Variants in SV2C observed in about 807,000 individuals in gnomAD.
SV2C encodes the protein solute carrier family 22 member B3.
A neutral mutation model predicts 79.7 loss-of-function variants in SV2C; 49 were observed. That is an observed-to-expected ratio of 0.61 (90% CI 0.49 to 0.78). SV2C has a LOEUF of 0.78. Among genes scored for constraint, SV2C ranks in the 30% least tolerant of loss-of-function variants. The probability of loss-of-function intolerance (pLI) is 0.00; values close to 1 mark genes in which losing one functional copy is unlikely to be tolerated. For missense variants in SV2C, 833 were observed against 912.9 expected (o/e 0.91, Z 1.13); for synonymous variants, 334 against 333.2 (o/e 1.00, Z -0.03).
At chr5:75,913,588 T>C in the SV2C span, among the ~76,000 whole-genome samples, 6 of 152,196 alleles carry the variant, frequency 3.9e-5, no homozygotes, top group Non-Finnish European at 7.4e-5. Context: ...ATATTGTGTG[T>C]AAGATGACAA....
intron 12 of SV2C, among the ~76,000 whole-genome samples, chr5:76,302,485 C>G (rs1324077971): frequency 6.6e-6 from 1 of 151,756 alleles, no homozygotes; most frequent in Admixed American, 6.6e-5. Context: ...AAAAACCTAG[C>G]CAGGCATGGC....
intron 12 of SV2C, among the ~76,000 whole-genome samples, chr5:76,348,577 C>A (rs996459196): frequency 1.3e-5 from 2 of 152,236 alleles, no homozygotes; most frequent in African/African-American, 4.8e-5. Context: ...TGTTGCTCCA[C>A]ATCCTTGTCA....
At chr5:76,204,797 T>C (rs1371950737) in intron 3 of SV2C, among the ~76,000 whole-genome samples, 2 of 152,330 alleles carry the variant, frequency 1.3e-5, no homozygotes, top group East Asian at 3.9e-4. Flanking sequence ...ATCAGTGTGA[T>C]GAAGCACAGC....
chr5:75,869,007 G>A, the SV2C span, among the ~76,000 whole-genome samples: 2 of 152,158 alleles, frequency 1.3e-5, no homozygotes, highest in African/African-American at 4.8e-5. Flanking sequence ...GTGTCTATAG[G>A]GAGAAACTCC....
the SV2C span, among the ~76,000 whole-genome samples, chr5:76,037,530 T>G: frequency 1.3e-5 from 2 of 152,162 alleles, no homozygotes; most frequent in African/African-American, 4.8e-5. Context: ...CTGTCCCTGC[T>G]GGGGGGTGCC....
the SV2C span, among the ~76,000 whole-genome samples, chr5:76,015,305 TG>T: frequency 8.2e-6 from 1 of 122,514 alleles, no homozygotes; most frequent in South Asian, 2.3e-4. Flanking sequence ...ACATGTAGCA[TG>T]AACAAAAAAT....
At chr5:76,021,245 C>G in the SV2C span, among the ~76,000 whole-genome samples, 1 of 152,168 alleles carries the variant, frequency 6.6e-6, no homozygotes, top group African/African-American at 2.4e-5. Context: ...GTTATGTTAA[C>G]TTGTTCAGTT....
the SV2C span, among the ~76,000 whole-genome samples, chr5:75,874,558 C>G: frequency 1.3e-5 from 2 of 152,088 alleles, no homozygotes; most frequent in African/African-American, 4.8e-5. Context: ...CCAGCCAGAG[C>G]AATCAGGCAA....
Position 76,132,195 on chromosome 5 carries a change from C to T in SV2C, c.445C>T (p.Arg149Cys), listed in dbSNP as rs769027251. ...GATAATCCAAGAATGCGGTCATGGT[C>T]GTTTTCAGTGGGCCCTTTTCTTCGT... ...ELIIQECGHG[R>C]FQWALFFVLG... Residue 149 changes from arginine to cysteine, a missense_variant, in exon 2 of 13, where the codon CGT becomes TGT. Coordinates refer to ENST00000502798, the MANE Select transcript of SV2C (RefSeq NM_014979.4). 7.4e-6 allele frequency: 12 copies of T among 1,614,100 alleles called. No individual in the cohort carries two copies. In the South Asian group the frequency reaches 7.7e-5, roughly 10 times the overall value.
intron 1 of SV2C, among the ~76,000 whole-genome samples, chr5:76,111,709 GT>G (rs1748104433): frequency 6.6e-6 from 1 of 152,178 alleles, no homozygotes; most frequent in Non-Finnish European, 1.5e-5. Flanking sequence ...TACTTTCTCA[GT>G]ATTATACTGA....
chr5:76,274,054 C>A (rs1232151968), intron 4 of SV2C, among the ~76,000 whole-genome samples: 3 of 152,180 alleles, frequency 2.0e-5, no homozygotes, highest in Non-Finnish European at 4.4e-5. Context: ...ATAAGTGAGA[C>A]CTGTATTGTC....
the SV2C span, chr5:75,911,670 C>T: frequency 4.3e-6 from 3 of 696,714 alleles, no homozygotes; most frequent in Non-Finnish European, 8.2e-6. Flanking sequence ...GCACTTTTCC[C>T]ACCTTAATGA....
intron 1 of SV2C, among the ~76,000 whole-genome samples, chr5:76,115,459 G>C (rs1748233843): frequency 6.6e-6 from 1 of 152,170 alleles, no homozygotes; most frequent in South Asian, 2.1e-4. Context: ...CACCTACCAG[G>C]TACAATGAAG....
At chr5:76,179,944 A>G (rs1743667641) in intron 2 of SV2C, among the ~76,000 whole-genome samples, 1 of 76,388 alleles carries the variant, frequency 1.3e-5, no homozygotes, top group Non-Finnish European at 2.3e-5. Context: ...AAAAACAACA[A>G]CAGAAAAAAA....
the SV2C span, among the ~76,000 whole-genome samples, chr5:76,003,321 G>A: frequency 5.3e-5 from 8 of 152,050 alleles, no homozygotes; most frequent in Admixed American, 4.6e-4. Context: ...TGTGGGCTAC[G>A]TTTCAGCCAA....
intron 4 of SV2C, among the ~76,000 whole-genome samples, chr5:76,256,029 GC>G (rs766900617): frequency 2.0e-5 from 3 of 152,126 alleles, no homozygotes; most frequent in Non-Finnish European, 4.4e-5. Context: ...GAAATGCAAG[GC>G]AAAAAATGCC....
rs889485387 is a variant in SV2C at position 76,263,260 on chromosome 5, T to TTTTTTG, written c.914-21879_914-21874dup. 1.1e-3 allele frequency among the ~76,000 whole-genome samples: 173 copies of TTTTTTG among 151,432 alleles called. 2 individuals are homozygous for TTTTTTG. The South Asian group carries it at 0.017, about 15-fold the overall frequency. ...CAGGGACTAGAATTGCAACCCCTGC[T>TTTTTTG]TTTTTGTTTTTGTTTTTGTTTTTGT... On this transcript the variant is annotated intron_variant, in intron 4 of 12. Transcript: ENST00000502798.
chr5:76,250,350 G>C (rs949266894), intron 4 of SV2C, among the ~76,000 whole-genome samples: 3 of 151,988 alleles, frequency 2.0e-5, no homozygotes, highest in African/African-American at 7.3e-5. Flanking sequence ...AGGACATTAG[G>C]GCTCTCAGCA....
chr5:76,009,992 T>TA, the SV2C span, among the ~76,000 whole-genome samples: 3 of 8,480 alleles, frequency 3.5e-4, no homozygotes, highest in South Asian at 8.0e-3. Context: ...ATCTATTTTG[T>TA]TTTTTTTTTT....
Sources: allele counts gnomAD v4.1 joint callset (sites outside exome capture counted in the v4.1 genomes callset), GRCh38; gene constraint gnomAD v4.1.1; transcripts MANE v1.5; gene names NCBI Gene and HGNC (gene_info 2026-07-23, HGNC 2026-07-21).